The following APOM variants were observed in gnomAD, a reference collection of about 807,000 sequenced individuals.
APOM encodes apolipoprotein M.
A neutral mutation model predicts 23.5 loss-of-function variants in APOM; 24 were observed. That is an observed-to-expected ratio of 1.02 (90% CI 0.74 to 1.44). The LOEUF is 1.44. Ranked by LOEUF, APOM falls within the 40% of genes most tolerant of loss-of-function variation. The probability of loss-of-function intolerance (pLI) is 0.00; values close to 1 mark genes in which losing one functional copy is unlikely to be tolerated. For synonymous variants in APOM, 82 were observed against 84.1 expected (o/e 0.97, Z 0.14); for missense variants, 200 against 233.2 (o/e 0.86, Z 0.93).
upstream of APOM, among the ~76,000 whole-genome samples, chr6:31,653,504 G>T (rs1799270672): frequency 6.6e-6 from 1 of 152,226 alleles, no homozygotes. Context: ...ATGAGCACTT[G>T]TGCCAGCCCA....
At chr6:31,653,211 A>G (rs1799089344), upstream of APOM, among the ~76,000 whole-genome samples, 1 of 152,164 alleles carries the variant, frequency 6.6e-6, no homozygotes, top group Non-Finnish European at 1.5e-5. Flanking sequence ...CGAGTTTGAG[A>G]ATTGGGAGCA....
chr6:31,656,076 A>T lies in APOM; in HGVS notation c.110A>T (p.Lys37Met), dbSNP rs934128846. The change falls in exon 1 of 6, where the codon AAG (lysine) becomes ATG (methionine). Residue 37 changes from lysine (K) to methionine (M), a missense_variant. Lys to Met is a moderately conservative substitution (Grantham distance 95). Coordinates refer to ENST00000375916, the MANE Select transcript of APOM (RefSeq NM_019101.3). Reference protein sequence around the residue: ...SQLTTLGVDGKEFPEVHLGQW... With the variant: ...SQLTTLGVDGMEFPEVHLGQW... Reference sequence around the variant, plus strand: ...CTGACAACTCTGGGCGTGGATGGGAAGGAGGTATGGACTGAGATTGGGGGA... The same window carrying T: ...CTGACAACTCTGGGCGTGGATGGGATGGAGGTATGGACTGAGATTGGGGGA... 1.3e-6 allele frequency: 2 copies of T among 1,562,672 alleles called. No homozygotes were observed. The highest frequency in any genetic ancestry group is 4.7e-5 in the East Asian group (2 of 42,476).
upstream of APOM, among the ~76,000 whole-genome samples, chr6:31,655,214 T>A (rs1303857023): frequency 6.6e-6 from 1 of 152,234 alleles, no homozygotes; most frequent in Non-Finnish European, 1.5e-5. Context: ...GTGCTGAGAT[T>A]ACAGGCATGA....
chr6:31,656,161 C>A (rs556762593), intron 1 of APOM, 81 bp downstream of exon 1: 91 of 1,158,000 alleles, frequency 7.9e-5, no homozygotes, highest in Middle Eastern at 5.2e-4. Context: ...TGGAGACCAT[C>A]TTGGGAAAGG....
At position 31,656,485 on chromosome 6, in the gene APOM, A is replaced by G; in HGVS notation, c.128A>G (p.His43Arg). The change falls in exon 2 of 6, where the codon CAC becomes CGC. Residue 43 changes from histidine (H) to arginine (R), a missense_variant. Physicochemically the swap from His to Arg is conservative, Grantham distance 29. Transcript: ENST00000375916. Reference sequence around the variant, plus strand: ...TTGTCTCTCCAGTTCCCAGAGGTCCACTTGGGCCAGTGGTACTTTATCGCA... The same window carrying G: ...TTGTCTCTCCAGTTCCCAGAGGTCCGCTTGGGCCAGTGGTACTTTATCGCA... ...GVDGKEFPEV[H>R]LGQWYFIAGA... The G allele has an allele frequency of 1.9e-6, 3 of 1,614,086 alleles. No individual in the cohort carries two copies. Among genetic ancestry groups the G allele is most frequent in the Non-Finnish European group, 2.5e-6 (3 of 1,179,984 alleles).
At position 31,657,427 on chromosome 6, in the gene APOM, G is replaced by A; in HGVS notation, c.391G>A (p.Gly131Arg). The change falls in exon 4 of 6, where the codon GGA becomes AGA. Residue 131 changes from glycine to arginine, a missense_variant. Gly to Arg is a moderately radical substitution (Grantham distance 125). Coordinates refer to ENST00000375916, the MANE Select transcript of APOM (RefSeq NM_019101.3). Reference sequence around the variant, plus strand: ...GCTCTTTTCCAGCTCATGCCCAGGTGGAATCATGCTGAATGAGACAGGCCA... The same window carrying A: ...GCTCTTTTCCAGCTCATGCCCAGGTAGAATCATGCTGAATGAGACAGGCCA... ...TELFSSSCPG[G>R]IMLNETGQGY... 1 of 1,613,004 alleles carries A rather than the reference G, an allele frequency of 6.2e-7. No individual in the cohort carries two copies. Among genetic ancestry groups the A allele is most frequent in the Non-Finnish European group, 8.5e-7 (1 of 1,180,032 alleles).
At chr6:31,654,760 C>A (rs114288601), upstream of APOM, among the ~76,000 whole-genome samples, 145 of 152,272 alleles carry the variant, frequency 9.5e-4, 1 homozygote, top group African/African-American at 3.3e-3. Flanking sequence ...TATTTGAGAA[C>A]TTATTACCCA....
chr6:31,657,602 C>T lies in APOM; in HGVS notation c.443-23C>T, dbSNP rs760841878. The T allele has an allele frequency of 6.2e-6, 10 of 1,608,900 alleles. No homozygotes were observed. The East Asian group carries it at 1.8e-4, about 29-fold the overall frequency. On this transcript the variant is annotated intron_variant, in intron 4 of 5. Coordinates refer to ENST00000375916, the MANE Select transcript of APOM (RefSeq NM_019101.3). ...GGTGCTTCCAGGGGTTTTGACTGGCCTGACCCCACCTTGCCCTTCCAGATC... is the reference window on the plus strand; with the variant it reads ...GGTGCTTCCAGGGGTTTTGACTGGCTTGACCCCACCTTGCCCTTCCAGATC...
upstream of APOM, chr6:31,655,682 A>G: frequency 2.8e-6 from 1 of 353,404 alleles, no homozygotes; most frequent in Non-Finnish European, 5.2e-6. Context: ...TACAGGTTCA[A>G]AGACCACAGG....
chr6:31,657,131 G>A (rs1397821828), intron 2 of APOM, 94 bp from the exon 3 acceptor site: 1 of 1,244,146 alleles, frequency 8.0e-7, no homozygotes, highest in African/African-American at 1.5e-5. Context: ...GGGCAACAGA[G>A]TGAGACTCTG....
Position 31,657,557 on chromosome 6 carries a change from C to T in APOM, c.443-68C>T, listed in dbSNP as rs2273612. 257 of 1,598,210 alleles carry T rather than the reference C, an allele frequency of 1.6e-4. No individual in the cohort carries two copies. The East Asian group carries it at 5.7e-3, about 35-fold the overall frequency. ...GAACTCCTCACTCTGGGTCCTATGA[C>T]ACCCTCCCAGGAAGAGCTAGGTGCT... On this transcript the variant is annotated intron_variant, in intron 4 of 5. Transcript: ENST00000375916.
chr6:31,653,735 G>GCAGTGGCGCAATCACAACT (rs1477440147), upstream of APOM, among the ~76,000 whole-genome samples: 1 of 152,168 alleles, frequency 6.6e-6, no homozygotes, highest in African/African-American at 2.4e-5. Context: ...AGGCTGGAGT[G>GCAGTGGCGCAATCACAACT]CAGTGGCGCA....
At position 31,658,193 on chromosome 6, in the gene APOM, A is replaced by T. The variant is rs946613827; in HGVS notation, c.*104A>T. ...CCAGCTCCCACTCAAGATAATAAAG[A>T]TAATTTTTCAATCCTCATCTCATTC... On this transcript the variant is annotated 3_prime_UTR_variant, in exon 6 of 6. Transcript: ENST00000375916. 7.4e-7 allele frequency: 1 copy of T among 1,345,432 alleles called. No homozygotes were observed. Among genetic ancestry groups the T allele is most frequent in the Admixed American group, 1.7e-5 (1 of 57,474 alleles). 83.3% of individuals were successfully genotyped at this position (1,345,432 alleles called of 1,614,324 possible).
Position 31,658,058 on chromosome 6 carries a change from TCA to T in APOM, c.542-3_542-2del, listed in dbSNP as rs772787234. 2.5e-5 allele frequency: 40 copies of T among 1,613,984 alleles called. No individual in the cohort carries two copies. The highest frequency in any genetic ancestry group is 1.8e-4 in the East Asian group (8 of 44,874). ...CTGTCCTTCTTTTTCCCTCCCCCCA[TCA>T]CAGAGGCCTGTGAGCTGTCCAATAA... is the stretch of plus-strand genomic sequence containing the variant. On this transcript the variant is annotated splice_region_variant and splice_polypyrimidine_tract_variant and intron_variant, in intron 5 of 5. Coordinates refer to ENST00000375916, the MANE Select transcript of APOM (RefSeq NM_019101.3).
At chr6:31,654,105 C>T (rs929586689), upstream of APOM, among the ~76,000 whole-genome samples, 14 of 151,752 alleles carry the variant, frequency 9.2e-5, no homozygotes, top group Admixed American at 2.0e-4. Flanking sequence ...ATTAGCCTGG[C>T]GTGGTGGCGG....
upstream of APOM, among the ~76,000 whole-genome samples, chr6:31,654,984 C>A (rs1240500569): frequency 2.6e-5 from 4 of 152,210 alleles, no homozygotes; most frequent in Non-Finnish European, 5.9e-5. Context: ...CTCTGTCGCC[C>A]AAGCTGGAGT....
At chr6:31,654,245 CAAAA>C (rs34260741), upstream of APOM, among the ~76,000 whole-genome samples, 9 of 99,118 alleles carry the variant, frequency 9.1e-5, no homozygotes, top group Non-Finnish European at 1.6e-4. Context: ...ACTCCCATCT[CAAAA>C]AAAAAAAAAA....
At chr6:31,655,103 G>A (rs1312526879), upstream of APOM, among the ~76,000 whole-genome samples, 1 of 152,148 alleles carries the variant, frequency 6.6e-6, no homozygotes, top group Non-Finnish European at 1.5e-5. Flanking sequence ...CACCACATCG[G>A]CTAATTTTTG....
rs760147799 is a variant in APOM at position 31,656,595 on chromosome 6, A to C, written c.238A>C (p.Met80Leu). Residue 80 changes from methionine to leucine, a missense_variant, in exon 2 of 6, where the codon ATG becomes CTG. Transcript: ENST00000375916. ...VFNMAAGSAP[M>L]QLHLRATIRM... ...CAATATGGCTGCTGGCTCTGCCCCG[A>C]TGCAGCTCCACCTTCGTGCTACCAT... 1.9e-6 allele frequency: 3 copies of C among 1,614,098 alleles called. No individual in the cohort carries two copies. The highest frequency in any genetic ancestry group is 2.5e-6 in the Non-Finnish European group (3 of 1,180,008).
Sources: allele counts gnomAD v4.1 joint callset (sites outside exome capture counted in the v4.1 genomes callset), GRCh38; gene constraint gnomAD v4.1.1; transcripts MANE v1.5; gene names NCBI Gene and HGNC (gene_info 2026-07-23, HGNC 2026-07-21).